The following LEFTY1 variants were observed in gnomAD, a reference collection of about 807,000 sequenced individuals.
LEFTY1 encodes the protein left-right determination factor 1.
In LEFTY1, 18 loss-of-function variants were observed where a neutral mutation model predicts 22.6. The observed-to-expected ratio is 0.80, with a 90% CI of 0.55 to 1.18. The LOEUF is 1.18. Among genes scored for constraint, LEFTY1 ranks in the 50% most tolerant of loss-of-function variants. LEFTY1 has a pLI of 0.00. For missense variants in LEFTY1, 414 were observed against 495.4 expected (o/e 0.84, Z 1.56); for synonymous variants, 201 against 231.5 (o/e 0.87, Z 1.20).
Position 225,886,376 on chromosome 1 carries a change from A to C in LEFTY1, c.*351T>G. ...ACTTAACCCCAGGTCTTAGGTCCAG[A>C]GTGGTGGTGGAGGACTTTAGCCCAG... On this transcript the variant is annotated 3_prime_UTR_variant, in exon 4 of 4. Coordinates refer to ENST00000272134, the MANE Select transcript of LEFTY1 (RefSeq NM_020997.4). 1 of 279,386 alleles carries C rather than the reference A, an allele frequency of 3.6e-6. No individual in the cohort carries two copies. The highest frequency in any genetic ancestry group is 6.8e-6 in the Non-Finnish European group (1 of 147,916). The allele number at this position is 279,386 out of a possible 1,614,324, so 17.3% of individuals were successfully genotyped here.
In LEFTY1 at chr1:225,887,452, G is replaced by C. The variant is rs557245679; in HGVS notation, c.684C>G (p.Ala228=). The part of the protein sequence containing the change: ...LVRFASQGAP[A]GLGEPQLELH... ...GCTCCAGCTGGGGCTCCCCAAGCCC[G>C]GCTGGCGCCCCCTGCGAGGCAAAGC... The change falls in exon 3 of 4, where the codon GCC becomes GCG. Residue 228 remains alanine (A), a synonymous_variant. Transcript: ENST00000272134. 86 of 1,613,114 alleles carry C rather than the reference G, an allele frequency of 5.3e-5. 3 individuals carry two copies. The South Asian group carries it at 9.0e-4, about 17-fold the overall frequency.
In LEFTY1 at chr1:225,886,694, C is replaced by G; in HGVS notation, c.*33G>C. 1 of 1,612,696 alleles carries G rather than the reference C, an allele frequency of 6.2e-7. No homozygotes were observed. Among genetic ancestry groups the G allele is most frequent in the Non-Finnish European group, 8.5e-7 (1 of 1,179,946 alleles). ...CCCTCGAACACTTCAGAAACACACA[C>G]AAGTCAAGTCCCTCGATGGCTACAC... is the stretch of plus-strand genomic sequence containing the variant. On this transcript the variant is annotated 3_prime_UTR_variant, in exon 4 of 4. Coordinates refer to ENST00000272134, the MANE Select transcript of LEFTY1 (RefSeq NM_020997.4).
Position 225,888,799 on chromosome 1 carries a change from A to C in LEFTY1, c.250+18T>G, listed in dbSNP as rs574053651. On this transcript the variant is annotated intron_variant, in intron 1 of 3. Transcript: ENST00000272134. ...CCTGCCCCATGGGACCAGGGGCAGC[A>C]GGGAGGGAGGGCCTCACCTCGGAAG... is the stretch of plus-strand genomic sequence containing the variant. 12 of 1,612,834 alleles carry C rather than the reference A, an allele frequency of 7.4e-6. No individual in the cohort carries two copies. In the East Asian group the frequency reaches 2.7e-4, roughly 36 times the overall value.
chr1:225,886,360 C>G lies in LEFTY1; in HGVS notation c.*367G>C, dbSNP rs1671279850. 4.4e-6 allele frequency: 1 copy of G among 228,790 alleles called. No homozygotes were observed. The highest frequency in any genetic ancestry group is 8.5e-6 in the Non-Finnish European group (1 of 117,550). 14.2% of individuals were successfully genotyped at this position (228,790 alleles called of 1,614,324 possible). A position where few individuals can be genotyped will look rare whatever the true frequency, so the allele number is the denominator to read the frequency against. The stretch of plus-strand genomic sequence containing the variant: ...GGGATGCACAACCCACACTTAACCC[C>G]AGGTCTTAGGTCCAGAGTGGTGGTG... On this transcript the variant is annotated 3_prime_UTR_variant, in exon 4 of 4. Coordinates refer to ENST00000272134, the MANE Select transcript of LEFTY1 (RefSeq NM_020997.4).
At chr1:225,888,224 C>T (rs965019028) in intron 1 of LEFTY1, among the ~76,000 whole-genome samples, 192 bp from the exon 2 acceptor site, 5 of 152,142 alleles carry the variant, frequency 3.3e-5, no homozygotes, top group African/African-American at 1.2e-4. Context: ...GGCAGGGGCG[C>T]CTGTGGGACC....
rs76469045 is a variant in LEFTY1 at position 225,886,637 on chromosome 1, C to T, written c.*90G>A. 0.011 allele frequency: 17,881 copies of T among 1,584,970 alleles called. 1,624 individuals carry two copies. The African/African-American group carries it at 0.2, about 18-fold the overall frequency. The stretch of plus-strand genomic sequence containing the variant: ...TAGAGAGCACAGAGCATTTGTCCAT[C>T]AGCAGTTCAGTCATCGCCAGCTCTC... On this transcript the variant is annotated 3_prime_UTR_variant, in exon 4 of 4. Transcript: ENST00000272134.
chr1:225,886,924 C>A lies in LEFTY1; in HGVS notation c.904G>T (p.Glu302Ter), dbSNP rs746078174. Residue 302 changes from glutamate to a stop codon, truncating the protein, a stop_gained, in exon 4 of 4, where the codon GAG (glutamate) becomes TAG (stop). Transcript: ENST00000272134. LOFTEE classifies it low-confidence loss of function (END_TRUNC). The stretch of plus-strand genomic sequence containing the variant: ...AACGGCCACTTGAAGGCCAGGGCCT[C>A]CGGGGGCTGCCGGCAGGTGCCCACA... ...ECVGTCRQPP[E>*]ALAFKWPFLG... The A allele has an allele frequency of 6.2e-7, 1 of 1,613,824 alleles. No homozygotes were observed. Among genetic ancestry groups the A allele is most frequent in the South Asian group, 1.1e-5 (1 of 91,060 alleles).
chr1:225,887,230 C>A, intron 3 of LEFTY1, 140 bp from the exon 4 acceptor site: 1 of 1,472,604 alleles, frequency 6.8e-7, no homozygotes, highest in Non-Finnish European at 9.0e-7. Context: ...CTAGAAATAA[C>A]TTGAAAATTA....
chr1:225,886,583 T>C lies in LEFTY1; in HGVS notation c.*144A>G. 2 of 1,475,402 alleles carry C rather than the reference T, an allele frequency of 1.4e-6. No homozygotes were observed. The highest frequency in any genetic ancestry group is 9.0e-7 in the Non-Finnish European group (1 of 1,114,488). 91.4% of individuals were successfully genotyped at this position (1,475,402 alleles called of 1,614,324 possible). ...AGAAGCAAAAATTAGGTGAGGTAACTTGTCAGAGGAAGCAAATTCAGGGCT... is the reference window on the plus strand; with the variant it reads ...AGAAGCAAAAATTAGGTGAGGTAACCTGTCAGAGGAAGCAAATTCAGGGCT... On this transcript the variant is annotated 3_prime_UTR_variant, in exon 4 of 4. Coordinates refer to ENST00000272134, the MANE Select transcript of LEFTY1 (RefSeq NM_020997.4).
chr1:225,887,043 C>T lies in LEFTY1; in HGVS notation c.785G>A (p.Arg262His), dbSNP rs574964400. 1.1e-5 allele frequency: 18 copies of T among 1,597,354 alleles called. No homozygotes were observed. The highest frequency in any genetic ancestry group is 7.9e-5 in the South Asian group (7 of 88,864). ...AATGTACATCTCCTGGCGGCAGCAG[C>T]GGGTGCCCTCGGTCATTGGTGCTTC... ...DPEAPMTEGT[R>H]CCRQEMYIDL... Residue 262 changes from arginine (R) to histidine (H), a missense_variant, in exon 4 of 4, where the codon CGC becomes CAC. Physicochemically the swap from Arg to His is conservative, Grantham distance 29. Around this residue, in one of 2 missense-constraint regions of LEFTY1, gnomAD observed 398 missense variants for 454.7 expected, o/e 0.88. Coordinates refer to ENST00000272134, the MANE Select transcript of LEFTY1 (RefSeq NM_020997.4).
In LEFTY1 at chr1:225,889,012, C is replaced by G. The variant is rs370956645; in HGVS notation, c.55G>C (p.Gly19Arg). 6.6e-7 allele frequency: 1 copy of G among 1,526,216 alleles called. No homozygotes were observed. Among genetic ancestry groups the G allele is most frequent in the Admixed American group, 2.0e-5 (1 of 49,402 alleles). 94.5% of individuals were successfully genotyped at this position (1,526,216 alleles called of 1,614,324 possible). Residue 19 changes from glycine (G) to arginine (R), a missense_variant, in exon 1 of 4, where the codon GGG (glycine) becomes CGG (arginine). Physicochemically the swap from Gly to Arg is moderately radical, Grantham distance 125 (BLOSUM62 -2). Around this residue, in one of 2 missense-constraint regions of LEFTY1, gnomAD observed 398 missense variants for 454.7 expected, o/e 0.88. Transcript: ENST00000272134. ...ALWVLPLASP[G>R]AALTGEQLLG... The stretch of plus-strand genomic sequence containing the variant: ...AGCTGCTCCCCGGTCAGGGCGGCCC[C>G]GGGGCTGGCCAGGGGCAACACCCAG...
intron 1 of LEFTY1, among the ~76,000 whole-genome samples, chr1:225,888,405 T>C (rs1671332194): frequency 6.6e-6 from 1 of 152,152 alleles, no homozygotes; most frequent in African/African-American, 2.4e-5. Context: ...CAGCCAGGTA[T>C]AACCCAGGTT....
At position 225,887,552 on chromosome 1, in the gene LEFTY1, T is replaced by C. The variant is rs1350758828; in HGVS notation, c.584A>G (p.Gln195Arg). The C allele has an allele frequency of 3.7e-6, 6 of 1,611,146 alleles. No individual in the cohort carries two copies. In the South Asian group the frequency reaches 5.5e-5, roughly 15 times the overall value. ...NFWQQLSRPR[Q>R]PLLLQVSVQR... is the part of the protein sequence containing the mutation. ...CACCGACACCTGTAGCAGCAGCGGC[T>C]GCCGGGGCCGGCTCAGCTGCTGCCA... The change falls in exon 3 of 4, where the codon CAG (glutamine) becomes CGG (arginine). Residue 195 changes from glutamine (Q) to arginine (R), a missense_variant. Physicochemically the swap from Gln to Arg is conservative, Grantham distance 43 (BLOSUM62 1). Around this residue, in one of 2 missense-constraint regions of LEFTY1, gnomAD observed 398 missense variants for 454.7 expected, o/e 0.88. Coordinates refer to ENST00000272134, the MANE Select transcript of LEFTY1 (RefSeq NM_020997.4).
Position 225,887,469 on chromosome 1 carries a change from A to G in LEFTY1, c.667T>C (p.Ser223Pro), listed in dbSNP as rs201517157. The part of the protein sequence containing the change: ...SGAHKLVRFA[S>P]QGAPAGLGEP... ...CCAAGCCCGGCTGGCGCCCCCTGCG[A>G]GGCAAAGCGGACCAGCTTGTGGGCG... is the stretch of plus-strand genomic sequence containing the variant. The change falls in exon 3 of 4, where the codon TCG becomes CCG. Residue 223 changes from serine to proline, a missense_variant. By Grantham distance (74) the Ser-to-Pro change is moderately conservative (BLOSUM62 -1). This residue lies in a region of LEFTY1 where 398 missense variants were observed against 454.7 expected (regional missense o/e 0.88). Transcript: ENST00000272134. The G allele has an allele frequency of 1.2e-6, 2 of 1,612,672 alleles. No individual in the cohort carries two copies. Among genetic ancestry groups the G allele is most frequent in the Non-Finnish European group, 1.7e-6 (2 of 1,179,718 alleles).
chr1:225,886,829 TC>T lies in LEFTY1; in HGVS notation c.998del (p.Gly333GlufsTer14). ...TGACCACCTGGGGCCTGGTCCTGCC[TC>T]CCTCCTTGATGCTGACGATCATGGG... ...SLPMIVSIKE[G>X]GRTRPQVVSL... is the part of the protein sequence containing the mutation. On this transcript the variant is annotated frameshift_variant, in exon 4 of 4. Transcript: ENST00000272134. LOFTEE classifies it high-confidence loss of function. 1.2e-6 allele frequency: 2 copies of T among 1,613,806 alleles called. No individual in the cohort carries two copies. The highest frequency in any genetic ancestry group is 4.5e-5 in the East Asian group (2 of 44,892).
rs1258725159 is a variant in LEFTY1 at position 225,889,057 on chromosome 1, G to C, written c.10C>G (p.Leu4Val). Residue 4 changes from leucine to valine, a missense_variant, in exon 1 of 4, where the codon CTG (leucine) becomes GTG (valine). This residue lies in a region of LEFTY1 where 398 missense variants were observed against 454.7 expected (regional missense o/e 0.88). Coordinates refer to ENST00000272134, the MANE Select transcript of LEFTY1 (RefSeq NM_020997.4). The stretch of plus-strand genomic sequence containing the variant: ...ACCCAGAGTGCCCAGCAGAGCCACA[G>C]GGGCTGCATGGTGCTGCCCTGGAGG... MQP[L>V]WLCWALWVLP... 1 of 1,474,070 alleles carries C rather than the reference G, an allele frequency of 6.8e-7. No individual in the cohort carries two copies. Among genetic ancestry groups the C allele is most frequent in the Non-Finnish European group, 9.0e-7 (1 of 1,115,882 alleles). 91.3% of individuals were successfully genotyped at this position (1,474,070 alleles called of 1,614,324 possible). A position where few individuals can be genotyped will look rare whatever the true frequency, so the allele number is the denominator to read the frequency against.
At position 225,887,479 on chromosome 1, in the gene LEFTY1, G is replaced by T; in HGVS notation, c.657C>A (p.Val219=). 6.2e-7 allele frequency: 1 copy of T among 1,612,452 alleles called. No individual in the cohort carries two copies. The highest frequency in any genetic ancestry group is 8.5e-7 in the Non-Finnish European group (1 of 1,179,640). ...GPLASGAHKL[V]RFASQGAPAG... ...CTGGCGCCCCCTGCGAGGCAAAGCG[G>T]ACCAGCTTGTGGGCGCCGGACGCCA... Residue 219 remains valine, a synonymous_variant, in exon 3 of 4, where the codon GTC becomes GTA. Transcript: ENST00000272134.
rs754571502 is a variant in LEFTY1 at position 225,887,769 on chromosome 1, G to C, written c.497+17C>G. The C allele has an allele frequency of 6.5e-7, 1 of 1,546,156 alleles. No homozygotes were observed. The highest frequency in any genetic ancestry group is 1.9e-5 in the Admixed American group (1 of 51,344). On this transcript the variant is annotated intron_variant, in intron 2 of 3. Transcript: ENST00000272134. ...GCAGCGCCCTCCCCCTACCCTGCGCGCCCCCGCGACCCCCACCTGGAGTCG... is the reference window on the plus strand; with the variant it reads ...GCAGCGCCCTCCCCCTACCCTGCGCCCCCCCGCGACCCCCACCTGGAGTCG...
At chr1:225,888,710 C>G in intron 1 of LEFTY1, 107 bp downstream of exon 1, 1 of 1,476,012 alleles carries the variant, frequency 6.8e-7, no homozygotes, top group Non-Finnish European at 9.1e-7. Flanking sequence ...GGCCCTCACT[C>G]AGCCTCCCAC....
Sources: allele counts gnomAD v4.1 joint callset (sites outside exome capture counted in the v4.1 genomes callset), GRCh38; gene constraint gnomAD v4.1.1; regional missense constraint gnomAD v4.1.1; transcripts MANE v1.5; gene names NCBI Gene and HGNC (gene_info 2026-07-23, HGNC 2026-07-21).